CARS2: variants seen among roughly 807,000 people sequenced by gnomAD.
CARS2 encodes cysteinyl-tRNA synthetase 2, mitochondrial.
A neutral mutation model predicts 68.8 loss-of-function variants in CARS2; 52 were observed. That is an observed-to-expected ratio of 0.76 (90% CI 0.61 to 0.95). CARS2 has a LOEUF of 0.95. Among genes scored for constraint, CARS2 ranks in the 40% least tolerant of loss-of-function variants. The pLI is 0.00. For synonymous variants in CARS2, 314 were observed against 303.6 expected, an observed-to-expected ratio of 1.03 and a Z score of -0.36; for missense variants, 780 against 754.2, an observed-to-expected ratio of 1.03 and a Z score of -0.40.
intron 8 of CARS2, 151 bp downstream of exon 8, chr13:110,667,189 A>G: frequency 2.5e-6 from 2 of 784,426 alleles, no homozygotes; most frequent in South Asian, 4.4e-5. Context: ...TCATGTTCAA[A>G]TGATTGAAAC....
chr13:110,666,746 C>T lies in CARS2; in HGVS notation c.919+594G>A, dbSNP rs1364292825. On this transcript the variant is annotated intron_variant, in intron 8 of 14. Transcript: ENST00000257347. Reference sequence around the variant, plus strand: ...CCAAATCCTATCACTACCAAACACTCTTTATCTTTCTTCATCTCAAATACC... The same window carrying T: ...CCAAATCCTATCACTACCAAACACTTTTTATCTTTCTTCATCTCAAATACC... The T allele has an allele frequency of 7.1e-6, 7 of 985,322 alleles. No homozygotes were observed. In the African/African-American group the frequency reaches 1.2e-4, roughly 17 times the overall value. 61.0% of individuals were successfully genotyped at this position (985,322 alleles called of 1,614,324 possible).
intron 8 of CARS2, chr13:110,663,832 C>T (rs2062575511): frequency 9.7e-6 from 11 of 1,128,948 alleles, no homozygotes; most frequent in Non-Finnish European, 1.2e-5. Context: ...TCTATTTTCT[C>T]CTCTCCTGTA....
intron 3 of CARS2, among the ~76,000 whole-genome samples, chr13:110,690,687 A>G (rs2063433604): frequency 1.3e-5 from 2 of 152,082 alleles, no homozygotes; most frequent in Admixed American, 6.5e-5. Context: ...TGTGAGCTAC[A>G]CTCGTAGGCA....
chr13:110,706,898 T>C (rs536261536), upstream of CARS2, among the ~76,000 whole-genome samples: 1 of 147,444 alleles, frequency 6.8e-6, no homozygotes, highest in East Asian at 2.0e-4. Context: ...CGATACACAG[T>C]GTGCAACCCA....
chr13:110,653,205 G>A lies in CARS2; in HGVS notation c.988-2105C>T, dbSNP rs1238446952. On this transcript the variant is annotated intron_variant, in intron 9 of 14. Transcript: ENST00000257347. The surrounding 1 kb of genome is among the most constrained non-coding windows in gnomAD (Gnocchi z 5.6). ...TGGGGAGGGGGGCTGGGGTATGTGT[G>A]TGTGTGTGTTTGTGTGTGTGTGTGT... 6.6e-6 allele frequency among the ~76,000 whole-genome samples: 1 copy of A among 151,072 alleles called. No homozygotes were observed. The highest frequency in any genetic ancestry group is 1.9e-4 in the East Asian group (1 of 5,154).
At chr13:110,678,123 G>C (rs1267848866) in intron 6 of CARS2, 2 of 152,340 alleles carry the variant, frequency 1.3e-5, no homozygotes, top group African/African-American at 2.4e-5. Flanking sequence ...AACCCACAGA[G>C]GCTCATTTCT....
chr13:110,676,216 C>T lies in CARS2; in HGVS notation c.785+758G>A, dbSNP rs9630329. 0.034 allele frequency among the ~76,000 whole-genome samples: 5,107 copies of T among 152,270 alleles called. 302 individuals carry two copies. The highest frequency in any genetic ancestry group is 0.12 in the African/African-American group (4,819 of 41,548). Reference sequence around the variant, plus strand: ...GAGCCCCATGGGCAGCTGTGCAGCACGGGGCACGGGCGGTATGCTGTCTTT... The same window carrying T: ...GAGCCCCATGGGCAGCTGTGCAGCATGGGGCACGGGCGGTATGCTGTCTTT... On this transcript the variant is annotated intron_variant, in intron 7 of 14. Transcript: ENST00000257347. The surrounding 1 kb of genome is among the most constrained non-coding windows in gnomAD (Gnocchi z 4.0).
At chr13:110,666,738 CAA>C (rs2062658764) in intron 8 of CARS2, 1 of 985,408 alleles carries the variant, frequency 1.0e-6, no homozygotes, top group African/African-American at 1.7e-5. Flanking sequence ...CTATCACTAC[CAA>C]ACACTCTTTA....
intron 1 of CARS2, chr13:110,712,905 G>A (rs1450225883): frequency 1.3e-6 from 2 of 1,529,272 alleles, no homozygotes; most frequent in East Asian, 2.4e-5. Flanking sequence ...GACACAAAGG[G>A]AGGGCGGTGA....
intron 3 of CARS2, among the ~76,000 whole-genome samples, chr13:110,698,882 G>A (rs991695227): frequency 6.6e-6 from 1 of 152,138 alleles, no homozygotes; most frequent in Non-Finnish European, 1.5e-5. Flanking sequence ...GTGTGGTGGT[G>A]CACAGCTGAG....
intron 12 of CARS2, chr13:110,644,774 G>A (rs530793396): frequency 2.6e-4 from 87 of 337,890 alleles, no homozygotes; most frequent in African/African-American, 1.3e-3. Context: ...GGCAGGTGGC[G>A]CATGGTAGGT....
chr13:110,709,982 T>C (rs190310470), upstream of CARS2, among the ~76,000 whole-genome samples: 9 of 152,336 alleles, frequency 5.9e-5, no homozygotes, highest in African/African-American at 2.2e-4. Context: ...GGCAAAATCT[T>C]GTAAATCAGA....
chr13:110,682,990 C>T, intron 6 of CARS2, 61 bp downstream of exon 6: 2 of 1,205,822 alleles, frequency 1.7e-6, no homozygotes, highest in Non-Finnish European at 2.4e-6. Flanking sequence ...ATCTCATCTC[C>T]CCAGAGCTGA....
At chr13:110,649,005 G>T (rs1446189668) in intron 10 of CARS2, 2 of 152,274 alleles carry the variant, frequency 1.3e-5, no homozygotes, top group African/African-American at 4.8e-5. Flanking sequence ...AGAGAGCTCT[G>T]CGCTCGCACA....
At chr13:110,667,875 G>A (rs963484421) in intron 7 of CARS2, among the ~76,000 whole-genome samples, 9 of 152,146 alleles carry the variant, frequency 5.9e-5, no homozygotes, top group Non-Finnish European at 1.0e-4. Context: ...AGTCACCTAC[G>A]AATAACAAGG....
intron 11 of CARS2, 69 bp downstream of exon 11, chr13:110,647,032 A>G (rs2139683278): frequency 6.8e-7 from 1 of 1,474,778 alleles, no homozygotes; most frequent in East Asian, 2.5e-5. Flanking sequence ...TTCCCCTTCA[A>G]GAGCCCACCA....
intron 1 of CARS2, chr13:110,712,965 G>C (rs1270416204): frequency 1.2e-5 from 18 of 1,560,070 alleles, no homozygotes; most frequent in East Asian, 7.2e-5. Context: ...GTGGTGGTCC[G>C]GCCGCGGAAT....
chr13:110,683,005 C>T (rs750757448), intron 6 of CARS2, 46 bp downstream of exon 6: 25 of 1,403,574 alleles, frequency 1.8e-5, no homozygotes, highest in African/African-American at 5.8e-5. Context: ...AGCTGAGACC[C>T]GAGGCAGAGG....
chr13:110,679,307 A>G lies in CARS2; in HGVS notation c.656-2204T>C, dbSNP rs561629949. 6.7e-3 allele frequency among the ~76,000 whole-genome samples: 1,016 copies of G among 152,018 alleles called. 9 individuals are homozygous for G. The highest frequency in any genetic ancestry group is 0.016 in the South Asian group (75 of 4,804). Reference sequence around the variant, plus strand: ...CACTTTGGGAGGCCGAGGCGGGCGGATCACCTGAGGTCAGGAGTTCGAGAC... The same window carrying G: ...CACTTTGGGAGGCCGAGGCGGGCGGGTCACCTGAGGTCAGGAGTTCGAGAC... On this transcript the variant is annotated intron_variant, in intron 6 of 14. Transcript: ENST00000257347.
Sources: allele counts gnomAD v4.1 joint callset (sites outside exome capture counted in the v4.1 genomes callset), GRCh38; gene constraint gnomAD v4.1.1; non-coding constraint Gnocchi (gnomAD v3.1); transcripts MANE v1.5; gene names NCBI Gene and HGNC (gene_info 2026-07-23, HGNC 2026-07-21).